EFCAB5: variants seen among roughly 807,000 people sequenced by gnomAD.
The protein encoded by EFCAB5 is EF-hand calcium binding domain 5.
In EFCAB5, 131 loss-of-function variants were observed where a neutral mutation model predicts 167.9. The observed-to-expected ratio is 0.78, with a 90% confidence interval of 0.68 to 0.90. EFCAB5 has a LOEUF of 0.90. Among genes scored for constraint, EFCAB5 ranks in the 40% least tolerant of loss-of-function variants. The probability of loss-of-function intolerance (pLI) is 0.00; values close to 1 mark genes in which losing one functional copy is unlikely to be tolerated. For synonymous variants in EFCAB5, 574 were observed against 602.8 expected (o/e 0.95, Z 0.70); for missense variants, 1,663 against 1,745.2 (o/e 0.95, Z 0.84).
chr17:29,994,523 T>C (rs1421003476), intron 5 of EFCAB5, among the ~76,000 whole-genome samples: 1 of 152,060 alleles, frequency 6.6e-6, no homozygotes, highest in Non-Finnish European at 1.5e-5. Flanking sequence ...AAAATAACTT[T>C]ATATACCCTT....
At chr17:30,046,462 A>G (rs1409322861) in intron 8 of EFCAB5, among the ~76,000 whole-genome samples, 1 of 152,196 alleles carries the variant, frequency 6.6e-6, no homozygotes, top group East Asian at 1.9e-4. Context: ...CAGTCAGAAA[A>G]CCTGATCATT....
chr17:30,072,215 G>C (rs2070755364), intron 14 of EFCAB5, among the ~76,000 whole-genome samples: 1 of 152,118 alleles, frequency 6.6e-6, no homozygotes, highest in African/African-American at 2.4e-5. Flanking sequence ...ATGCTGATTT[G>C]AGTATTACAT....
chr17:30,077,381 A>ATG (rs927242948), intron 14 of EFCAB5, among the ~76,000 whole-genome samples: 12 of 151,858 alleles, frequency 7.9e-5, no homozygotes, highest in African/African-American at 2.2e-4. Flanking sequence ...GCGTGTGTGC[A>ATG]TGTGTGTGTG....
intron 4 of EFCAB5, among the ~76,000 whole-genome samples, chr17:29,982,689 G>T (rs1011094966): frequency 1.3e-5 from 2 of 152,104 alleles, no homozygotes; most frequent in Non-Finnish European, 2.9e-5. Flanking sequence ...GTCAAGAAAG[G>T]GTCTTCAGTT....
chr17:29,947,896 G>A (rs2067435081), intron 3 of EFCAB5, among the ~76,000 whole-genome samples: 1 of 152,134 alleles, frequency 6.6e-6, no homozygotes, highest in Non-Finnish European at 1.5e-5. Context: ...CGCAATCTCA[G>A]CTCACTGCAA....
chr17:30,008,122 T>C (rs1436096390), intron 7 of EFCAB5, among the ~76,000 whole-genome samples: 1 of 152,050 alleles, frequency 6.6e-6, no homozygotes, highest in East Asian at 1.9e-4. Flanking sequence ...CTGTACTATA[T>C]GCATTTTATA....
intron 7 of EFCAB5, among the ~76,000 whole-genome samples, chr17:30,013,757 C>T (rs1263101111): frequency 1.3e-5 from 2 of 152,188 alleles, no homozygotes; most frequent in Non-Finnish European, 2.9e-5. Context: ...AAACCAGCTC[C>T]TGGATTCGTT....
intron 14 of EFCAB5, among the ~76,000 whole-genome samples, chr17:30,068,043 C>T (rs141231931): frequency 1.7e-3 from 266 of 152,320 alleles, no homozygotes; most frequent in African/African-American, 6.0e-3. Context: ...CGGTGGCTCA[C>T]GCCTGTAATC....
chr17:30,078,528 A>G (rs753788937), intron 15 of EFCAB5, 24 bp downstream of exon 15: 15 of 1,526,882 alleles, frequency 9.8e-6, no homozygotes, highest in Middle Eastern at 1.8e-4. Context: ...AGCAGTATGT[A>G]AGAGGAAACA....
intron 18 of EFCAB5, among the ~76,000 whole-genome samples, chr17:30,085,965 T>C (rs2052066127): frequency 6.6e-6 from 1 of 152,168 alleles, no homozygotes; most frequent in Admixed American, 6.5e-5. Context: ...CCTCTTATCA[T>C]ATTTTTAATT....
intron 4 of EFCAB5, among the ~76,000 whole-genome samples, chr17:29,984,612 G>A (rs2068244029): frequency 6.6e-6 from 1 of 152,090 alleles, no homozygotes; most frequent in Non-Finnish European, 1.5e-5. Flanking sequence ...CAGCTACTTG[G>A]GAGGCTGAGG....
At chr17:29,979,004 T>C (rs1366771373) in intron 4 of EFCAB5, among the ~76,000 whole-genome samples, 3 of 152,168 alleles carry the variant, frequency 2.0e-5, no homozygotes, top group Non-Finnish European at 4.4e-5. Context: ...TCTGCCCTGC[T>C]CTTGCTTTTC....
At chr17:29,993,142 T>G (rs2068460046) in intron 4 of EFCAB5, 23 bp from the exon 5 acceptor site, 3 of 1,574,042 alleles carry the variant, frequency 1.9e-6, no homozygotes, top group East Asian at 2.3e-5. Flanking sequence ...ACTCAACATG[T>G]TTTCTATATC....
intron 8 of EFCAB5, among the ~76,000 whole-genome samples, chr17:30,047,996 T>C (rs1457736494): frequency 1.3e-5 from 2 of 152,182 alleles, no homozygotes; most frequent in African/African-American, 4.8e-5. Context: ...TAAATATGCA[T>C]TGGCAAAGGA....
chr17:29,951,412 A>G, intron 3 of EFCAB5, among the ~76,000 whole-genome samples: 1 of 152,090 alleles, frequency 6.6e-6, no homozygotes, highest in East Asian at 1.9e-4. Context: ...ATCTCCGCTC[A>G]CTGCAACCTC....
chr17:30,063,625 G>C (rs1319764652), intron 14 of EFCAB5, among the ~76,000 whole-genome samples: 1 of 152,142 alleles, frequency 6.6e-6, no homozygotes, highest in Non-Finnish European at 1.5e-5. Flanking sequence ...AGAATCAGGA[G>C]CCACAGTAAG....
intron 14 of EFCAB5, among the ~76,000 whole-genome samples, chr17:30,067,207 C>A (rs1254030232): frequency 6.6e-6 from 1 of 152,174 alleles, no homozygotes; most frequent in East Asian, 1.9e-4. Flanking sequence ...AACACAACAA[C>A]AACAGAAACA....
chr17:29,974,865 T>C (rs1402588367), intron 4 of EFCAB5, among the ~76,000 whole-genome samples: 2 of 152,008 alleles, frequency 1.3e-5, no homozygotes. Context: ...AATCTTCACA[T>C]GGCACAAAAT....
intron 8 of EFCAB5, among the ~76,000 whole-genome samples, chr17:30,045,435 G>A (rs1390948498): frequency 1.4e-5 from 2 of 147,404 alleles, no homozygotes; most frequent in Non-Finnish European, 3.0e-5. Context: ...TCCAGCCTGG[G>A]CGACAGAGCT....
Sources: gnomAD v4.1 joint callset for allele counts (sites outside exome capture counted in the v4.1 genomes callset) on GRCh38, gnomAD v4.1.1 for gene constraint, MANE v1.5 for transcripts, NCBI Gene and HGNC (gene_info 2026-07-23, HGNC 2026-07-21) for gene names.